DCBLD1: variants seen among roughly 807,000 people sequenced by gnomAD.
The protein encoded by DCBLD1 is discoidin, CUB and LCCL domain containing 1.
Under a neutral mutation model 71.5 loss-of-function variants are expected in DCBLD1, and 57 were observed. The ratio of observed to expected loss-of-function variants is 0.80; its 90% CI spans 0.64 to 0.99. The LOEUF (loss-of-function observed/expected upper bound fraction) is 0.99. Ranked by LOEUF, DCBLD1 falls within the 50% of genes least tolerant of loss-of-function variation. DCBLD1 has a pLI of 0.00. For missense variants in DCBLD1, 891 were observed against 923.5 expected (o/e 0.96, Z 0.46); for synonymous variants, 380 against 363.8 (o/e 1.04, Z -0.51).
intron 14 of DCBLD1, chr6:117,547,549 T>TTC (rs765237887): frequency 2.3e-5 from 12 of 532,222 alleles, no homozygotes; most frequent in Admixed American, 4.5e-5. Flanking sequence ...CAACTCTATT[T>TTC]TCGAGGCTGT....
intron 5 of DCBLD1, among the ~76,000 whole-genome samples, chr6:117,531,302 C>G (rs1294011550): frequency 6.6e-6 from 1 of 152,178 alleles, no homozygotes; most frequent in African/African-American, 2.4e-5. Context: ...TGGAGCATAG[C>G]TAAGGTTTAT....
intron 4 of DCBLD1, among the ~76,000 whole-genome samples, chr6:117,523,884 A>G (rs1408391455): frequency 1.3e-5 from 2 of 152,218 alleles, no homozygotes; most frequent in Non-Finnish European, 2.9e-5. Flanking sequence ...GTGTCTATAT[A>G]GAAGTAAGGG....
chr6:117,548,562 G>A lies in DCBLD1; in HGVS notation c.*123G>A, dbSNP rs922576780. On this transcript the variant is annotated 3_prime_UTR_variant, in exon 15 of 15. Transcript: ENST00000338728. Reference sequence around the variant, plus strand: ...GGTGTGTGTGTACACTTGCATGTGTGTGTGTGATCCAGTAGGATCCTAGAG... The same window carrying A: ...GGTGTGTGTGTACACTTGCATGTGTATGTGTGATCCAGTAGGATCCTAGAG... The A allele has an allele frequency of 3.4e-6, 5 of 1,475,592 alleles. No homozygotes were observed. The highest frequency in any genetic ancestry group is 2.8e-5 in the African/African-American group (2 of 71,080). 91.4% of individuals were successfully genotyped at this position (1,475,592 alleles called of 1,614,324 possible).
chr6:117,530,433 T>C lies in DCBLD1; in HGVS notation c.586-1827T>C, dbSNP rs937889872. ...GATTTGCACCCCTGTGAGAATCTAATGCCTTTGCTGATCTGACAAGAGGTA... is the reference window on the plus strand; with the variant it reads ...GATTTGCACCCCTGTGAGAATCTAACGCCTTTGCTGATCTGACAAGAGGTA... On this transcript the variant is annotated intron_variant, in intron 5 of 14. Coordinates refer to ENST00000338728, the MANE Select transcript of DCBLD1 (RefSeq NM_001366458.2). 2.4e-4 allele frequency among the ~76,000 whole-genome samples: 37 copies of C among 152,216 alleles called. 2 individuals are homozygous for C. The highest frequency in any genetic ancestry group is 8.7e-4 in the African/African-American group (36 of 41,454).
intron 14 of DCBLD1, among the ~76,000 whole-genome samples, chr6:117,558,990 T>C (rs1478534748): frequency 1.3e-5 from 2 of 152,160 alleles, no homozygotes; most frequent in Admixed American, 1.3e-4. Flanking sequence ...AGACAACAGG[T>C]TCAGGCCTGT....
chr6:117,525,264 T>C, intron 4 of DCBLD1, 98 bp from the exon 5 acceptor site: 2 of 867,322 alleles, frequency 2.3e-6, no homozygotes, highest in Non-Finnish European at 3.1e-6. Flanking sequence ...CAAGATATTA[T>C]ATGGAGGGCA....
rs757093983 is a variant in DCBLD1 at position 117,548,111 on chromosome 6, G to T, written c.1820G>T (p.Arg607Leu). 3.9e-6 allele frequency: 6 copies of T among 1,549,684 alleles called. No individual in the cohort carries two copies. The highest frequency in any genetic ancestry group is 4.4e-6 in the Non-Finnish European group (5 of 1,146,530). ...GAGTACGCCACGCCCATCGTGGAGCGGCACGTGCTGCGCGCCCACACGTTC... is the reference window on the plus strand; with the variant it reads ...GAGTACGCCACGCCCATCGTGGAGCTGCACGTGCTGCGCGCCCACACGTTC... ...EPEYATPIVE[R>L]HVLRAHTFSA... is the part of the protein sequence containing the mutation. Residue 607 changes from arginine to leucine, a missense_variant, in exon 15 of 15, where the codon CGG becomes CTG. Transcript: ENST00000338728.
At chr6:117,551,590 A>G (rs1224233123), downstream of DCBLD1, among the ~76,000 whole-genome samples, 2 of 152,050 alleles carry the variant, frequency 1.3e-5, no homozygotes, top group African/African-American at 2.4e-5. Flanking sequence ...CGTGTTAGCC[A>G]GGATCGTCTG....
intron 14 of DCBLD1, among the ~76,000 whole-genome samples, chr6:117,563,817 G>A (rs1221504302): frequency 6.6e-6 from 1 of 151,698 alleles, no homozygotes; most frequent in Non-Finnish European, 1.5e-5. Flanking sequence ...AGTAATCTGA[G>A]GCAAAAATAA....
intron 1 of DCBLD1, among the ~76,000 whole-genome samples, chr6:117,495,561 C>G (rs1175906791): frequency 2.6e-5 from 4 of 152,104 alleles, no homozygotes; most frequent in Non-Finnish European, 5.9e-5. Flanking sequence ...CACCCAAGGC[C>G]ACAAAGCCAG....
At chr6:117,525,508 G>A (rs1304419893) in intron 5 of DCBLD1, 74 bp downstream of exon 5, 2 of 1,122,662 alleles carry the variant, frequency 1.8e-6, no homozygotes, top group Non-Finnish European at 2.4e-6. Context: ...ATTAATTACT[G>A]AGTAAAGTCA....
At chr6:117,489,747 T>C (rs1562426488) in intron 1 of DCBLD1, among the ~76,000 whole-genome samples, 3 of 152,070 alleles carry the variant, frequency 2.0e-5, no homozygotes. Context: ...TAGCCGGGCG[T>C]GGTGGCGGGT....
chr6:117,516,078 G>A (rs1254176798), intron 2 of DCBLD1, among the ~76,000 whole-genome samples: 1 of 152,000 alleles, frequency 6.6e-6, no homozygotes, highest in Non-Finnish European at 1.5e-5. Context: ...TATTGGTCGG[G>A]CGCGGTGGCT....
At chr6:117,502,563 G>T (rs80234916) in intron 1 of DCBLD1, among the ~76,000 whole-genome samples, 3,772 of 152,282 alleles carry the variant, frequency 0.025, 66 homozygotes, top group Non-Finnish European at 0.037. Flanking sequence ...CCTCTAACTG[G>T]GGAAGAGGCT....
At chr6:117,513,022 C>G (rs991969622) in intron 2 of DCBLD1, among the ~76,000 whole-genome samples, 1 of 152,114 alleles carries the variant, frequency 6.6e-6, no homozygotes, top group Admixed American at 6.6e-5. Context: ...AACCTTATAT[C>G]CATCTGAAGT....
rs969351578 is a variant in DCBLD1 at position 117,548,378 on chromosome 6, A to G, written c.2087A>G (p.Tyr696Cys). ...ACGCATCCCGGGACGAGTGACAGCTATTCTGCCCCCAGAGACTGCCTCACA... is the reference window on the plus strand; with the variant it reads ...ACGCATCCCGGGACGAGTGACAGCTGTTCTGCCCCCAGAGACTGCCTCACA... ...PPTHPGTSDS[Y>C]SAPRDCLTPL... The change falls in exon 15 of 15, where the codon TAT (tyrosine) becomes TGT (cysteine). Residue 696 changes from tyrosine (Y) to cysteine (C), a missense_variant. Transcript: ENST00000338728. The G allele has an allele frequency of 6.4e-7, 1 of 1,550,716 alleles. No individual in the cohort carries two copies. The highest frequency in any genetic ancestry group is 8.7e-7 in the Non-Finnish European group (1 of 1,147,004).
Position 117,548,463 on chromosome 6 carries a change from G to A in DCBLD1, c.*24G>A. ...GAACACAATGTGAAAGAAGCCTGCTGTGGTACTGAGCGTCGGGCTGTCACA... is the reference window on the plus strand; with the variant it reads ...GAACACAATGTGAAAGAAGCCTGCTATGGTACTGAGCGTCGGGCTGTCACA... On this transcript the variant is annotated 3_prime_UTR_variant, in exon 15 of 15. Transcript: ENST00000338728. 1 of 1,549,816 alleles carries A rather than the reference G, an allele frequency of 6.5e-7. No homozygotes were observed. Among genetic ancestry groups the A allele is most frequent in the Non-Finnish European group, 8.7e-7 (1 of 1,146,968 alleles).
intron 14 of DCBLD1, 177 bp from the exon 15 acceptor site, chr6:117,547,730 T>C: frequency 7.4e-7 from 1 of 1,357,518 alleles, no homozygotes; most frequent in South Asian, 1.3e-5. Flanking sequence ...GGTTGTGTAC[T>C]GCCTGCGGGT....
At chr6:117,563,389 A>T in intron 14 of DCBLD1, 1 of 1,612,374 alleles carries the variant, frequency 6.2e-7, no homozygotes, top group East Asian at 2.2e-5. Context: ...TAAATCCTGA[A>T]AGAAAGGAGA....
Sources: allele counts gnomAD v4.1 joint callset (sites outside exome capture counted in the v4.1 genomes callset), GRCh38; gene constraint gnomAD v4.1.1; transcripts MANE v1.5; gene names NCBI Gene and HGNC (gene_info 2026-07-23, HGNC 2026-07-21).